The following RABGEF1 variants were observed in gnomAD, a reference collection of about 807,000 sequenced individuals.
The protein encoded by RABGEF1 is RAB guanine nucleotide exchange factor 1.
A neutral mutation model predicts 57.3 loss-of-function variants in RABGEF1; 26 were observed. The ratio of observed to expected loss-of-function variants is 0.45; its 90% CI spans 0.33 to 0.63. RABGEF1 has a LOEUF of 0.63. Among genes scored for constraint, RABGEF1 ranks in the 20% least tolerant of loss-of-function variants. RABGEF1 has a pLI of 0.02. For missense variants in RABGEF1, 464 were observed against 607.6 expected, an observed-to-expected ratio of 0.76 and a Z score of 2.48; for synonymous variants, 185 against 210.7, an observed-to-expected ratio of 0.88 and a Z score of 1.06.
Position 66,783,698 on chromosome 7 carries a change from A to G in RABGEF1, c.370A>G (p.Ser124Gly). 1.2e-5 allele frequency: 19 copies of G among 1,609,542 alleles called. No individual in the cohort carries two copies. The highest frequency in any genetic ancestry group is 1.6e-5 in the Non-Finnish European group (19 of 1,177,622). ...KKEIQEAKAP[S>G]PSINRQTSIE... ...AGAAATTCAGGAAGCAAAAGCTCCCAGTCCTTCCATAAACCGGCAAACCAG... is the reference window on the plus strand; with the variant it reads ...AGAAATTCAGGAAGCAAAAGCTCCCGGTCCTTCCATAAACCGGCAAACCAG... The change falls in exon 4 of 9, where the codon AGT (serine) becomes GGT (glycine). Residue 124 changes from serine (S) to glycine (G), a missense_variant. Coordinates refer to ENST00000284957, the MANE Select transcript of RABGEF1 (RefSeq NM_014504.3).
At chr7:66,667,389 G>T in the RABGEF1 span, 1 of 152,280 alleles carries the variant, frequency 6.6e-6, no homozygotes, top group African/African-American at 2.4e-5. Flanking sequence ...TATCTCACTG[G>T]GAATGCAGCC....
intron 1 of RABGEF1, among the ~76,000 whole-genome samples, chr7:66,744,763 A>G (rs1417939806): frequency 6.6e-6 from 1 of 152,050 alleles, no homozygotes; most frequent in Non-Finnish European, 1.5e-5. Flanking sequence ...TAATTTGTAA[A>G]CAGGAATTCT....
At chr7:66,743,850 C>G (rs1799567936) in intron 1 of RABGEF1, among the ~76,000 whole-genome samples, 2 of 152,020 alleles carry the variant, frequency 1.3e-5, no homozygotes, top group Non-Finnish European at 2.9e-5. Context: ...AGGGTGCTCT[C>G]CAACCCCTGG....
At chr7:66,691,731 A>G (rs1036836730) in intron 1 of RABGEF1, among the ~76,000 whole-genome samples, 4 of 152,126 alleles carry the variant, frequency 2.6e-5, no homozygotes, top group Non-Finnish European at 5.9e-5. Flanking sequence ...ACTGAAGGCT[A>G]ATGTAAGTGT....
intron 4 of RABGEF1, among the ~76,000 whole-genome samples, chr7:66,794,207 ATTTTTTTTT>A (rs1174835014): frequency 8.7e-4 from 79 of 91,086 alleles, no homozygotes; most frequent in African/African-American, 3.4e-3. Context: ...TCCATGTTTA[ATTTTTTTTT>A]TTTTTTTTTT....
chr7:66,662,769 A>G, the RABGEF1 span, among the ~76,000 whole-genome samples: 1 of 147,304 alleles, frequency 6.8e-6, no homozygotes, highest in Non-Finnish European at 1.5e-5. Context: ...GTGTGTATGT[A>G]CAGCCGTGTG....
the RABGEF1 span, among the ~76,000 whole-genome samples, chr7:66,671,271 C>T: frequency 6.6e-6 from 1 of 152,122 alleles, no homozygotes; most frequent in South Asian, 2.1e-4. Flanking sequence ...TCCTTAAACT[C>T]CTGGCTCAAG....
chr7:66,705,700 T>C lies in RABGEF1; in HGVS notation c.-872-6467T>C, dbSNP rs566747411. 1.2e-4 allele frequency among the ~76,000 whole-genome samples: 18 copies of C among 151,622 alleles called. No individual in the cohort carries two copies. The East Asian group carries it at 3.3e-3, about 28-fold the overall frequency. On this transcript the variant is annotated intron_variant and NMD_transcript_variant, in intron 1 of 9. Coordinates refer to the RABGEF1 transcript ENST00000607882. ...TCAGTTTGATAGATACAAGTGTTTT[T>C]TTTTTTGTTTTTTTTTGTTTTGTTT...
At chr7:66,694,573 G>A (rs1400108685) in intron 1 of RABGEF1, among the ~76,000 whole-genome samples, 1 of 152,252 alleles carries the variant, frequency 6.6e-6, no homozygotes, top group East Asian at 1.9e-4. Flanking sequence ...GTTCATGCAA[G>A]CCTTTGGCTC....
chr7:66,741,838 TGTTAAAGA>T (rs1239110569), intron 1 of RABGEF1, among the ~76,000 whole-genome samples: 1 of 152,162 alleles, frequency 6.6e-6, no homozygotes, highest in Non-Finnish European at 1.5e-5. Context: ...CTTTAACTGC[TGTTAAAGA>T]GTGTGTTCCG....
chr7:66,672,976 T>A, the RABGEF1 span, among the ~76,000 whole-genome samples: 1 of 148,886 alleles, frequency 6.7e-6, no homozygotes, highest in Non-Finnish European at 1.5e-5. Flanking sequence ...ACAGCACCCT[T>A]AGCTGGGCCT....
intron 1 of RABGEF1, among the ~76,000 whole-genome samples, chr7:66,697,365 C>G (rs1267004036): frequency 1.3e-5 from 2 of 152,272 alleles, no homozygotes; most frequent in East Asian, 3.9e-4. Flanking sequence ...ACAGAAAAGT[C>G]CATACTTGGG....
rs192015030 is a variant in RABGEF1, at chr7:66,698,104, C to A, written c.-872-14063C>A. On this transcript the variant is annotated intron_variant and NMD_transcript_variant, in intron 1 of 9. Coordinates refer to the RABGEF1 transcript ENST00000607882. Reference sequence around the variant, plus strand: ...AAATTCCCCATCACAGCCACGCACCCCCCCCACCCTCAGACCAGTACTTCA... The same window carrying A: ...AAATTCCCCATCACAGCCACGCACCACCCCCACCCTCAGACCAGTACTTCA... Among the ~76,000 whole-genome samples, 153 of 152,114 alleles carry A rather than the reference C, an allele frequency of 1.0e-3. 2 individuals carry two copies. The East Asian group carries it at 0.02, about 19-fold the overall frequency.
chr7:66,664,077 G>GAAAAAA, the RABGEF1 span, among the ~76,000 whole-genome samples: 1 of 77,872 alleles, frequency 1.3e-5, no homozygotes, highest in Non-Finnish European at 2.8e-5. Flanking sequence ...GTCTCAAAAA[G>GAAAAAA]AAAAAAAAAA....
chr7:66,718,559 AATT>A (rs1435619301), intron 2 of RABGEF1, among the ~76,000 whole-genome samples: 5 of 133,462 alleles, frequency 3.7e-5, no homozygotes, highest in African/African-American at 1.3e-4. Context: ...GGAGAAGTTT[AATT>A]TATAAAAAAA....
At chr7:66,694,929 A>G (rs1239552542) in intron 1 of RABGEF1, among the ~76,000 whole-genome samples, 1 of 152,160 alleles carries the variant, frequency 6.6e-6, no homozygotes, top group Non-Finnish European at 1.5e-5. Flanking sequence ...GGTTCCGGAC[A>G]TGCTGGCCTG....
At chr7:66,677,968 G>A (rs1315134679), upstream of RABGEF1, among the ~76,000 whole-genome samples, 1 of 151,712 alleles carries the variant, frequency 6.6e-6, no homozygotes, top group Non-Finnish European at 1.5e-5. Flanking sequence ...GGGGGGCTGA[G>A]GCAAGACATC....
chr7:66,800,421 T>G (rs143901817), intron 7 of RABGEF1, among the ~76,000 whole-genome samples: 1 of 152,362 alleles, frequency 6.6e-6, no homozygotes, highest in African/African-American at 2.4e-5. Context: ...CTTCTCTTTA[T>G]CTTCCCGTGT....
chr7:66,722,491 A>G (rs1796159611), intron 2 of RABGEF1, among the ~76,000 whole-genome samples: 1 of 152,216 alleles, frequency 6.6e-6, no homozygotes, highest in Admixed American at 6.5e-5. Flanking sequence ...AACAAAGGAA[A>G]AAAGAAATAC....
Sources: gnomAD v4.1 joint callset for allele counts (sites outside exome capture counted in the v4.1 genomes callset) on GRCh38, gnomAD v4.1.1 for gene constraint, MANE v1.5 for transcripts, NCBI Gene and HGNC (gene_info 2026-07-23, HGNC 2026-07-21) for gene names.